Variants in DNAH12 observed in about 807,000 individuals in gnomAD.
DNAH12 encodes the protein axonemal beta dynein heavy chain 12.
DNAH12 carries 285 observed loss-of-function variants against 371.5 expected under a neutral mutation model. The observed-to-expected ratio is 0.77, with a 90% CI of 0.70 to 0.85. The LOEUF is 0.85. DNAH12 is among the 40% of genes least tolerant of loss of function. DNAH12 has a pLI of 0.00. For synonymous variants in DNAH12, 1,200 were observed against 1,213.0 expected, an observed-to-expected ratio of 0.99 and a Z score of 0.22; for missense variants, 3,611 against 3,689.4, an observed-to-expected ratio of 0.98 and a Z score of 0.55.
At chr3:57,430,618 A>G (rs1283436908) in intron 32 of DNAH12, among the ~76,000 whole-genome samples, 4 of 152,132 alleles carry the variant, frequency 2.6e-5, no homozygotes, top group Admixed American at 2.6e-4. Flanking sequence ...CTATCTCCTC[A>G]ATCTCTTTGG....
rs200075095 is a variant in DNAH12 at position 57,323,056 on chromosome 3, G to C, written c.10334C>G (p.Thr3445Ser). Reference sequence around the variant, plus strand: ...CCAAAGCCTAAAGGATGAGTTACAGGTTTCAGAGGTAAAATCTTCACATAT... The same window carrying C: ...CCAAAGCCTAAAGGATGAGTTACAGCTTTCAGAGGTAAAATCTTCACATAT... ...EKICEDFTSETCNSSFRLWLT... is the reference protein window; with the variant it reads ...EKICEDFTSESCNSSFRLWLT... Residue 3445 changes from threonine (T) to serine (S), a missense_variant, in exon 64 of 74, where the codon ACC becomes AGC. Thr to Ser is a moderately conservative substitution (Grantham distance 58). Transcript: ENST00000495027. 5.5e-4 allele frequency: 855 copies of C among 1,552,212 alleles called. 2 individuals carry two copies. Among genetic ancestry groups the C allele is most frequent in the Non-Finnish European group, 7.0e-4 (800 of 1,147,150 alleles).
intron 63 of DNAH12, 104 bp from the exon 64 acceptor site, chr3:57,323,364 T>A (rs2061854910): frequency 2.0e-6 from 3 of 1,472,818 alleles, no homozygotes; most frequent in Admixed American, 5.3e-5. Context: ...TACGTTTCTC[T>A]GTAAATATCA....
intron 35 of DNAH12, among the ~76,000 whole-genome samples, chr3:57,423,366 T>A (rs17792751): frequency 0.31 from 47,182 of 152,098 alleles, 8,701 homozygotes; most frequent in Non-Finnish European, 0.43. Context: ...CTTAGTTTTG[T>A]AAAAGGCGGT....
intron 59 of DNAH12, among the ~76,000 whole-genome samples, chr3:57,354,285 T>TAC (rs1482491921): frequency 6.6e-6 from 1 of 152,088 alleles, no homozygotes; most frequent in Non-Finnish European, 1.5e-5. Flanking sequence ...TGTTCTCACT[T>TAC]ACAACACTGA....
chr3:57,495,659 T>C, intron 11 of DNAH12, among the ~76,000 whole-genome samples: 1 of 146,194 alleles, frequency 6.8e-6, no homozygotes, highest in East Asian at 1.9e-4. Flanking sequence ...TATATAAATA[T>C]ATAAATATTT....
At chr3:57,443,025 A>G (rs1016612052) in intron 29 of DNAH12, among the ~76,000 whole-genome samples, 1 of 152,244 alleles carries the variant, frequency 6.6e-6, no homozygotes, top group Non-Finnish European at 1.5e-5. Context: ...CCCATAAAGT[A>G]ACAAGTTACT....
rs1160035810 is a variant in DNAH12 at position 57,446,568 on chromosome 3, G to A, written c.3908C>T (p.Ser1303Phe). 1 of 1,541,570 alleles carries A rather than the reference G, an allele frequency of 6.5e-7. No individual in the cohort carries two copies. Among genetic ancestry groups the A allele is most frequent in the East Asian group, 2.5e-5 (1 of 40,798 alleles). Residue 1303 changes from serine (S) to phenylalanine (F), a missense_variant, in exon 26 of 74, where the codon TCT becomes TTT. Coordinates refer to ENST00000495027, the MANE Select transcript of DNAH12 (RefSeq NM_001366028.2). ...LAVQCVVFNC[S>F]DGLDYLAMGK... ...CATTGCTAGATAATCTAGCCCATCA[G>A]AACAGTTGAACACCACACACTGTAC...
chr3:57,497,494 A>G (rs1163799867), intron 11 of DNAH12, among the ~76,000 whole-genome samples: 2 of 152,230 alleles, frequency 1.3e-5, no homozygotes, highest in Non-Finnish European at 2.9e-5. Context: ...AGTACAAGAT[A>G]GTATTTTTGA....
rs1245816558 is a variant in DNAH12, at chr3:57,517,098, T to C, written c.280-6119A>G. Among the ~76,000 whole-genome samples, 3 of 152,284 alleles carry C rather than the reference T, an allele frequency of 2.0e-5. No individual in the cohort carries two copies. The East Asian group carries it at 5.8e-4, about 29-fold the overall frequency. On this transcript the variant is annotated intron_variant, in intron 4 of 73. Coordinates refer to ENST00000495027, the MANE Select transcript of DNAH12 (RefSeq NM_001366028.2). The stretch of plus-strand genomic sequence containing the variant: ...CCCAGGTCTTTCCACGGCTGGCTCC[T>C]TTCTACCATTCAGGTCTCCATAAAT...
At chr3:57,427,901 T>C (rs1272498459) in intron 34 of DNAH12, among the ~76,000 whole-genome samples, 1 of 151,886 alleles carries the variant, frequency 6.6e-6, no homozygotes, top group African/African-American at 2.4e-5. Context: ...AGAGAATCAA[T>C]TTCTGGTTTT....
rs113037670 is a variant in DNAH12, at chr3:57,340,070, C to CAA, written c.9675-5132_9675-5131dup. ...TGGGGGACAAAGTGACACCCTGTTTCAAAAAAAAAAAAAATTCCTTGAAGC... is the reference window on the plus strand; with the variant it reads ...TGGGGGACAAAGTGACACCCTGTTTCAAAAAAAAAAAAAAAATTCCTTGAAGC... On this transcript the variant is annotated intron_variant, in intron 60 of 73. Coordinates refer to ENST00000495027, the MANE Select transcript of DNAH12 (RefSeq NM_001366028.2). 3.6e-3 allele frequency among the ~76,000 whole-genome samples: 462 copies of CAA among 128,826 alleles called. 3 individuals carry two copies. Among genetic ancestry groups the CAA allele is most frequent in the Middle Eastern group, 0.017 (4 of 238 alleles). 84.5% of individuals were successfully genotyped at this position (128,826 alleles called of 152,430 possible). A position where few individuals can be genotyped will look rare whatever the true frequency, so the allele number is the denominator to read the frequency against.
intron 4 of DNAH12, chr3:57,512,320 ATAG>A (rs372585162): frequency 1.3e-5 from 2 of 152,190 alleles, no homozygotes; most frequent in African/African-American, 4.8e-5. Context: ...AGAAAACAAA[ATAG>A]TAGTTGCCAG....
intron 25 of DNAH12, among the ~76,000 whole-genome samples, chr3:57,447,806 G>A (rs1466845076): frequency 2.0e-5 from 3 of 151,804 alleles, no homozygotes; most frequent in East Asian, 1.9e-4. Flanking sequence ...CCCGAGTAGC[G>A]AGGACTATAG....
intron 32 of DNAH12, 35 bp from the exon 33 acceptor site, chr3:57,429,809 A>T (rs3846034): frequency 2.0e-6 from 3 of 1,482,802 alleles, no homozygotes; most frequent in African/African-American, 1.4e-5. Flanking sequence ...TTTATTTTTT[A>T]AAATTTCAAG....
At chr3:57,392,587 G>GAAAAAC (rs1299206271) in intron 44 of DNAH12, among the ~76,000 whole-genome samples, 2 of 151,618 alleles carry the variant, frequency 1.3e-5, no homozygotes, top group Non-Finnish European at 2.9e-5. Flanking sequence ...TTCATCTCTA[G>GAAAAAC]AAAAACAAAA....
intron 29 of DNAH12, among the ~76,000 whole-genome samples, chr3:57,442,353 A>G (rs1032651573): frequency 2.0e-5 from 3 of 152,064 alleles, no homozygotes; most frequent in African/African-American, 4.8e-5. Context: ...CAAAATATAT[A>G]GAAGTAAAAT....
chr3:57,321,841 T>C lies in DNAH12; in HGVS notation c.10524+502A>G, dbSNP rs1342032187. 2.0e-5 allele frequency among the ~76,000 whole-genome samples: 3 copies of C among 152,230 alleles called. 1 individual carries two copies. The East Asian group carries it at 5.8e-4, about 29-fold the overall frequency. On this transcript the variant is annotated intron_variant, in intron 65 of 73. Coordinates refer to ENST00000495027, the MANE Select transcript of DNAH12 (RefSeq NM_001366028.2). ...AAATGAGTACTCTCTACTGGGACCC[T>C]TAAAGTCTCCAGTACTGTAAACAAA...
intron 35 of DNAH12, among the ~76,000 whole-genome samples, chr3:57,423,259 T>C (rs778712797): frequency 6.6e-6 from 1 of 152,190 alleles, no homozygotes; most frequent in African/African-American, 2.4e-5. Context: ...CAGAATAAAA[T>C]GTTCAGGAAA....
intron 37 of DNAH12, among the ~76,000 whole-genome samples, chr3:57,418,746 C>A (rs1382111000): frequency 6.6e-6 from 1 of 151,460 alleles, no homozygotes; most frequent in Non-Finnish European, 1.5e-5. Context: ...GCTTCTTTAT[C>A]AAAAAAATGA....
Sources: gnomAD v4.1 joint callset for allele counts (sites outside exome capture counted in the v4.1 genomes callset) on GRCh38, gnomAD v4.1.1 for gene constraint, MANE v1.5 for transcripts, NCBI Gene and HGNC (gene_info 2026-07-23, HGNC 2026-07-21) for gene names.